HSPA4: variants seen among roughly 807,000 people sequenced by gnomAD.
HSPA4 encodes the protein heat shock protein family A (Hsp70) member 4.
HSPA4 carries 25 observed loss-of-function variants against 106.2 expected under a neutral mutation model. That is an observed-to-expected ratio of 0.24 (90% confidence interval 0.17 to 0.33). HSPA4 has a LOEUF of 0.33. Ranked by LOEUF, HSPA4 falls within the 10% of genes least tolerant of loss-of-function variation. The probability of loss-of-function intolerance (pLI) is 1.00; values close to 1 mark genes in which losing one functional copy is unlikely to be tolerated. For missense variants in HSPA4, 841 were observed against 996.0 expected (o/e 0.84, Z 2.10); for synonymous variants, 332 against 333.6 (o/e 1.00, Z 0.05).
At chr5:133,097,640 C>A (rs1765731326) in intron 15 of HSPA4, among the ~76,000 whole-genome samples, 1 of 150,836 alleles carries the variant, frequency 6.6e-6, no homozygotes, top group Admixed American at 6.6e-5. Flanking sequence ...CCTCCGCCTC[C>A]CAGGTTCAAG....
chr5:133,053,262 G>T (rs1363913290), intron 1 of HSPA4, among the ~76,000 whole-genome samples: 5 of 149,438 alleles, frequency 3.3e-5, no homozygotes, highest in African/African-American at 1.2e-4. Context: ...ATTTTAATCC[G>T]TTGTCGTGTT....
At chr5:133,068,728 G>C (rs1765343577) in intron 3 of HSPA4, among the ~76,000 whole-genome samples, 1 of 152,120 alleles carries the variant, frequency 6.6e-6, no homozygotes, top group Non-Finnish European at 1.5e-5. Flanking sequence ...GGGTTAAAAA[G>C]GGAGGTGAAG....
intron 4 of HSPA4, among the ~76,000 whole-genome samples, chr5:133,072,943 T>C (rs763482888): frequency 3.3e-5 from 5 of 152,206 alleles, no homozygotes; most frequent in African/African-American, 7.2e-5. Context: ...AGCAGGTGTT[T>C]TCTAAGGATA....
chr5:133,067,394 C>G, intron 2 of HSPA4, 23 bp from the exon 3 acceptor site: 1 of 1,587,852 alleles, frequency 6.3e-7, no homozygotes, highest in Non-Finnish European at 8.6e-7. Context: ...AGTCTTTCCA[C>G]TCTTTGATAT....
In HSPA4 at chr5:133,104,422, A is replaced by G; in HGVS notation, c.2509A>G (p.Met837Val). The change falls in exon 19 of 19, where the codon ATG (methionine) becomes GTG (valine). Residue 837 changes from methionine (M) to valine (V), a missense_variant. By Grantham distance (21) the Met-to-Val change is conservative (BLOSUM62 1). This residue lies in a region of HSPA4 where 328 missense variants were observed against 372.2 expected (regional missense o/e 0.88). Coordinates refer to ENST00000304858, the MANE Select transcript of HSPA4 (RefSeq NM_002154.4). ...PSDSDKKLPE[M>V]DID ...GGATTCAGACAAGAAGCTTCCTGAA[A>G]TGGACATTGATTGATTCCAACACTT... 6.2e-7 allele frequency: 1 copy of G among 1,613,936 alleles called. No homozygotes were observed. The highest frequency in any genetic ancestry group is 8.5e-7 in the Non-Finnish European group (1 of 1,179,796).
In HSPA4 at chr5:133,104,397, G is replaced by C; in HGVS notation, c.2484G>C (p.Ser828=). ...AGGGTACAGACACAGCTGTGCCTTC[G>C]GATTCAGACAAGAAGCTTCCTGAAA... ...AEQGTDTAVP[S]DSDKKLPEMD... The change falls in exon 19 of 19, where the codon TCG becomes TCC. Residue 828 remains serine, a synonymous_variant. Coordinates refer to ENST00000304858, the MANE Select transcript of HSPA4 (RefSeq NM_002154.4). 1 of 1,614,110 alleles carries C rather than the reference G, an allele frequency of 6.2e-7. No individual in the cohort carries two copies. Among genetic ancestry groups the C allele is most frequent in the Non-Finnish European group, 8.5e-7 (1 of 1,180,014 alleles).
chr5:133,103,735 T>C (rs1765819053), intron 17 of HSPA4, 130 bp from the exon 18 acceptor site: 1 of 699,618 alleles, frequency 1.4e-6, no homozygotes, highest in African/African-American at 1.8e-5. Flanking sequence ...TCTGTTCAGA[T>C]TGTGAGGCTA....
chr5:133,064,370 A>T (rs1765282158), intron 1 of HSPA4, among the ~76,000 whole-genome samples: 1 of 152,070 alleles, frequency 6.6e-6, no homozygotes, highest in African/African-American at 2.4e-5. Context: ...GCTGGGCGTG[A>T]TGGTGCATGC....
chr5:133,091,007 C>A (rs1765640206), intron 11 of HSPA4, 186 bp from the exon 12 acceptor site: 1 of 684,626 alleles, frequency 1.5e-6, no homozygotes, highest in South Asian at 1.5e-5. Context: ...TAATAAGAGA[C>A]TGTGAAAGAA....
intron 1 of HSPA4, among the ~76,000 whole-genome samples, chr5:133,053,999 A>G (rs1456608524): frequency 6.6e-6 from 1 of 151,744 alleles, no homozygotes; most frequent in African/African-American, 2.4e-5. Flanking sequence ...TTCACCCTCA[A>G]TTTTTGTCAC....
At position 133,106,141 on chromosome 5, in the gene HSPA4, G is replaced by GGGGTGT. The variant is rs1765859264; in HGVS notation, c.*1706_*1707insGGTGTG. 1 of 53,584 alleles carries GGGGTGT rather than the reference G, an allele frequency of 1.9e-5. No homozygotes were observed. The highest frequency in any genetic ancestry group is 7.1e-5 in the African/African-American group (1 of 14,152). 3.3% of individuals were successfully genotyped at this position (53,584 alleles called of 1,614,324 possible). On this transcript the variant is annotated 3_prime_UTR_variant, in exon 19 of 19. Coordinates refer to ENST00000304858, the MANE Select transcript of HSPA4 (RefSeq NM_002154.4). ...TTTTTTTTTTTTTTTTTTTTTTTTT[G>GGGGTGT]GTGTGTGTGTGTGTGTGTGTGGGGA...
At chr5:133,053,438 C>CT (rs1207756856) in intron 1 of HSPA4, among the ~76,000 whole-genome samples, 1 of 149,002 alleles carries the variant, frequency 6.7e-6, no homozygotes, top group Non-Finnish European at 1.5e-5. Flanking sequence ...ACCTCCCTGG[C>CT]TCCTGGCTCA....
At chr5:133,053,609 T>G (rs1482364590) in intron 1 of HSPA4, among the ~76,000 whole-genome samples, 2 of 151,498 alleles carry the variant, frequency 1.3e-5, no homozygotes, top group Non-Finnish European at 2.9e-5. Flanking sequence ...CTCGGCCTTC[T>G]GGAGTACTGG....
In HSPA4 at chr5:133,103,866, A is replaced by T. The variant is rs1199795796; in HGVS notation, c.2159A>T (p.Glu720Val). ...TGTTTGACTGTCTCCTGGTTGCAGG[A>T]GGACCAGTATGATCATTTGGATGCT... is the stretch of plus-strand genomic sequence containing the variant. ...MKIISSFKNKEDQYDHLDAAD... is the reference protein window; with the variant it reads ...MKIISSFKNKVDQYDHLDAAD... The change falls in exon 18 of 19, where the codon GAG (glutamate) becomes GTG (valine). Residue 720 changes from glutamate (E) to valine (V), a missense_variant and splice_region_variant. This residue lies in a region of HSPA4 where 328 missense variants were observed against 372.2 expected (regional missense o/e 0.88). Coordinates refer to ENST00000304858, the MANE Select transcript of HSPA4 (RefSeq NM_002154.4). 1 of 1,612,176 alleles carries T rather than the reference A, an allele frequency of 6.2e-7. No homozygotes were observed. Among genetic ancestry groups the T allele is most frequent in the Non-Finnish European group, 8.5e-7 (1 of 1,179,320 alleles).
chr5:133,091,129 A>C (rs1259798380), intron 11 of HSPA4, 64 bp from the exon 12 acceptor site: 1 of 1,306,792 alleles, frequency 7.7e-7, no homozygotes, highest in Non-Finnish European at 1.1e-6. Context: ...CAATGTAGGC[A>C]TATATTCATG....
At chr5:133,073,937 A>C (rs1428504824) in intron 5 of HSPA4, 56 bp from the exon 6 acceptor site, 6 of 1,304,384 alleles carry the variant, frequency 4.6e-6, no homozygotes, top group Non-Finnish European at 6.2e-6. Context: ...TTCCTGCTTA[A>C]ATGAATTTTA....
chr5:133,093,111 G>A (rs1259546724), intron 13 of HSPA4, among the ~76,000 whole-genome samples: 1 of 151,584 alleles, frequency 6.6e-6, no homozygotes, highest in Admixed American at 6.6e-5. Flanking sequence ...TATTACAGGC[G>A]TGAGCCACCA....
At chr5:133,083,624 G>A (rs117501043) in intron 7 of HSPA4, among the ~76,000 whole-genome samples, 1 of 151,794 alleles carries the variant, frequency 6.6e-6, no homozygotes, top group Non-Finnish European at 1.5e-5. Context: ...CTTAACCTCC[G>A]CCTCCCGGGT....
chr5:133,104,046 T>TAAAA lies in HSPA4; in HGVS notation c.2319+22_2319+23insAAAA. ...ATTAAGGTAATTTAAGACTTTTTTTTAATAGTCTTTTCTTGACAGCCTTAT... is the reference window on the plus strand; with the variant it reads ...ATTAAGGTAATTTAAGACTTTTTTTTAAAAAATAGTCTTTTCTTGACAGCCTTAT... On this transcript the variant is annotated intron_variant, in intron 18 of 18. Transcript: ENST00000304858. The TAAAA allele has an allele frequency of 1.3e-6, 2 of 1,589,258 alleles. No individual in the cohort carries two copies.
Sources: allele counts gnomAD v4.1 joint callset (sites outside exome capture counted in the v4.1 genomes callset), GRCh38; gene constraint gnomAD v4.1.1; regional missense constraint gnomAD v4.1.1; transcripts MANE v1.5; gene names NCBI Gene and HGNC (gene_info 2026-07-23, HGNC 2026-07-21).